The following SLC14A2 variants were observed in gnomAD, a reference collection of about 807,000 sequenced individuals.
SLC14A2 encodes the protein urea transporter 2.
A neutral mutation model predicts 104.6 loss-of-function variants in SLC14A2; 91 were observed. The observed-to-expected ratio is 0.87, with a 90% CI of 0.73 to 1.04. The LOEUF (loss-of-function observed/expected upper bound fraction) is 1.04. Among genes scored for constraint, SLC14A2 ranks in the 50% least tolerant of loss-of-function variants. SLC14A2 has a pLI of 0.00. For synonymous variants in SLC14A2, 476 were observed against 466.4 expected (o/e 1.02, Z -0.27); for missense variants, 1,189 against 1,156.0 (o/e 1.03, Z -0.41).
At chr18:45,626,259 T>C (rs1192972743) in intron 3 of SLC14A2, among the ~76,000 whole-genome samples, 1 of 152,246 alleles carries the variant, frequency 6.6e-6, no homozygotes, top group Admixed American at 6.5e-5. Context: ...GTGCCTGCTA[T>C]GTGCCAAGAA....
rs573667660 is a variant in SLC14A2 at position 45,256,309 on chromosome 18, C to G, written c.-125+43118C>G. 5.8e-4 allele frequency among the ~76,000 whole-genome samples: 88 copies of G among 152,304 alleles called. 1 individual carries two copies. Among genetic ancestry groups the G allele is most frequent in the African/African-American group, 1.8e-3 (76 of 41,570 alleles). ...AAGAATGAGGTGTCAGCAACAGGGC[C>G]AGCCCAAAGCTAAATTGTGGGGAAA... On this transcript the variant is annotated intron_variant, in intron 1 of 20. Coordinates refer to the SLC14A2 transcript ENST00000586448.
intron 1 of SLC14A2, among the ~76,000 whole-genome samples, chr18:45,362,599 T>C (rs1202018831): frequency 6.6e-6 from 1 of 152,168 alleles, no homozygotes; most frequent in Non-Finnish European, 1.5e-5. Context: ...TTTGGGTCTT[T>C]GCATGTTTAC....
intron 2 of SLC14A2, among the ~76,000 whole-genome samples, chr18:45,539,247 G>T (rs957590657): frequency 1.3e-5 from 2 of 152,076 alleles, no homozygotes; most frequent in Non-Finnish European, 2.9e-5. Flanking sequence ...AGAAAGTTGG[G>T]CAAGAATAAA....
intron 1 of SLC14A2, among the ~76,000 whole-genome samples, chr18:45,213,471 C>T (rs1207767331): frequency 6.6e-6 from 1 of 152,066 alleles, no homozygotes; most frequent in Non-Finnish European, 1.5e-5. Context: ...CCTAGATTAA[C>T]CCATGGTATT....
At chr18:45,578,714 GCCT>G (rs1342360073) in intron 2 of SLC14A2, among the ~76,000 whole-genome samples, 3 of 152,172 alleles carry the variant, frequency 2.0e-5, no homozygotes, top group African/African-American at 7.2e-5. Flanking sequence ...CTGAAGCTTT[GCCT>G]CCTCAAGCCT....
At chr18:45,461,623 G>C (rs1040667245) in intron 1 of SLC14A2, among the ~76,000 whole-genome samples, 1 of 152,180 alleles carries the variant, frequency 6.6e-6, no homozygotes, top group Non-Finnish European at 1.5e-5. Context: ...CATGTGCACA[G>C]TCAGAATCAG....
intron 1 of SLC14A2, among the ~76,000 whole-genome samples, chr18:45,469,973 A>C (rs1251019516): frequency 6.6e-6 from 1 of 152,234 alleles, no homozygotes; most frequent in East Asian, 1.9e-4. Flanking sequence ...AAATACAGCG[A>C]GTTGAAAAGT....
In SLC14A2 at chr18:45,667,838, TC is replaced by T. The variant is rs1568001839; in HGVS notation, c.1727del (p.Pro576GlnfsTer16). 1.2e-6 allele frequency: 2 copies of T among 1,613,856 alleles called. No homozygotes were observed. Among genetic ancestry groups the T allele is most frequent in the Admixed American group, 3.3e-5 (2 of 60,014 alleles). On this transcript the variant is annotated frameshift_variant, in exon 14 of 20. Coordinates refer to ENST00000255226, the MANE Select transcript of SLC14A2 (RefSeq NM_007163.4). LOFTEE classifies it high-confidence loss of function. The part of the protein sequence containing the change: ...KECGEGLKDK[S>X]PVFQFFDWVL... ...CTGCCCCGGTTCCATTTCAGACAAG[TC>T]CCCAGTGTTCCAGTTCTTTGACTGG...
intron 1 of SLC14A2, among the ~76,000 whole-genome samples, chr18:45,320,424 G>T (rs2085173491): frequency 6.6e-6 from 1 of 152,206 alleles, no homozygotes; most frequent in South Asian, 2.1e-4. Context: ...TGGTAAGAAA[G>T]AAAATACAGA....
the SLC14A2 span, among the ~76,000 whole-genome samples, chr18:45,182,633 C>T: frequency 6.6e-6 from 1 of 151,074 alleles, no homozygotes; most frequent in Admixed American, 6.6e-5. Flanking sequence ...CACAAAGAAA[C>T]AGAAACTATT....
At chr18:45,316,947 C>T (rs936713953) in intron 1 of SLC14A2, among the ~76,000 whole-genome samples, 1 of 152,208 alleles carries the variant, frequency 6.6e-6, no homozygotes, top group Non-Finnish European at 1.5e-5. Flanking sequence ...GTAATCATGG[C>T]TTACCTCATT....
At chr18:45,324,093 G>A (rs568691817) in intron 1 of SLC14A2, among the ~76,000 whole-genome samples, 2 of 152,278 alleles carry the variant, frequency 1.3e-5, no homozygotes, top group South Asian at 4.1e-4. Context: ...TTAAATTGGA[G>A]TAAGCTTCTC....
intron 2 of SLC14A2, among the ~76,000 whole-genome samples, chr18:45,573,894 TATTAAA>T (rs1599020451): frequency 6.6e-6 from 1 of 152,222 alleles, no homozygotes; most frequent in South Asian, 2.1e-4. Flanking sequence ...GTTGAAACCT[TATTAAA>T]ATTAAGTAGA....
chr18:45,484,158 A>G (rs1206648873), intron 2 of SLC14A2, among the ~76,000 whole-genome samples: 1 of 152,188 alleles, frequency 6.6e-6, no homozygotes, highest in Non-Finnish European at 1.5e-5. Context: ...TCCATCTTCT[A>G]GGGACTCTGA....
At chr18:45,194,931 A>G in the SLC14A2 span, among the ~76,000 whole-genome samples, 4 of 152,112 alleles carry the variant, frequency 2.6e-5, no homozygotes, top group African/African-American at 9.7e-5. Context: ...TTCTTTTAAT[A>G]TCAACCTTGT....
intron 1 of SLC14A2, among the ~76,000 whole-genome samples, chr18:45,403,212 G>A (rs1289439183): frequency 2.0e-5 from 3 of 152,056 alleles, no homozygotes; most frequent in Non-Finnish European, 2.9e-5. Flanking sequence ...GATCTTTGGT[G>A]GCTTTTCCTC....
rs57905800 is a variant in SLC14A2, at chr18:45,403,759, G to GATGA, written c.-124-79451_-124-79448dup. On this transcript the variant is annotated intron_variant, in intron 1 of 20. Coordinates refer to the SLC14A2 transcript ENST00000586448. ...GGCACAGAGTAACAATTTAATCAGT[G>GATGA]ATGAATGAATGAATGAATGAATGAA... 3.4e-3 allele frequency among the ~76,000 whole-genome samples: 459 copies of GATGA among 135,188 alleles called. 2 individuals are homozygous for GATGA. Among genetic ancestry groups the GATGA allele is most frequent in the African/African-American group, 0.012 (389 of 33,720 alleles). 88.7% of individuals were successfully genotyped at this position (135,188 alleles called of 152,430 possible).
intron 1 of SLC14A2, among the ~76,000 whole-genome samples, chr18:45,373,083 A>C (rs1014204385): frequency 5.9e-5 from 9 of 152,242 alleles, no homozygotes; most frequent in African/African-American, 2.2e-4. Flanking sequence ...TATCTGATGG[A>C]GTCTATTTCA....
At chr18:45,484,123 C>A (rs1952201918) in intron 2 of SLC14A2, among the ~76,000 whole-genome samples, 1 of 152,120 alleles carries the variant, frequency 6.6e-6, no homozygotes, top group Non-Finnish European at 1.5e-5. Context: ...GTTCAGAAAC[C>A]CACCTGCCAA....
Sources: gnomAD v4.1 joint callset for allele counts (sites outside exome capture counted in the v4.1 genomes callset) on GRCh38, gnomAD v4.1.1 for gene constraint, MANE v1.5 for transcripts, NCBI Gene and HGNC (gene_info 2026-07-23, HGNC 2026-07-21) for gene names.